SPAG16: variants seen among roughly 807,000 people sequenced by gnomAD.
The protein encoded by SPAG16 is sperm associated antigen 16.
Under a neutral mutation model 80.4 loss-of-function variants are expected in SPAG16, and 86 were observed. That is an observed-to-expected ratio of 1.07 (90% CI 0.90 to 1.28). SPAG16 has a LOEUF of 1.28. SPAG16 is among the 50% of genes most tolerant of loss of function. The pLI, the probability that SPAG16 is intolerant of heterozygous loss-of-function variation, is 0.00. For missense variants in SPAG16, 870 were observed against 765.3 expected (o/e 1.14, Z -1.61); for synonymous variants, 294 against 265.9 (o/e 1.11, Z -1.03).
At chr2:213,912,017 A>G (rs1174668252) in intron 11 of SPAG16, among the ~76,000 whole-genome samples, 2 of 152,140 alleles carry the variant, frequency 1.3e-5, no homozygotes, top group Non-Finnish European at 2.9e-5. Context: ...AATAACTACA[A>G]AATCCTGCAA....
At chr2:214,136,709 G>A (rs371511018) in intron 14 of SPAG16, among the ~76,000 whole-genome samples, 6 of 151,926 alleles carry the variant, frequency 3.9e-5, no homozygotes, top group Admixed American at 1.3e-4. Context: ...TTCTCTTTCC[G>A]TTCTAATTCC....
At chr2:213,706,033 T>C (rs2065739536) in intron 10 of SPAG16, among the ~76,000 whole-genome samples, 1 of 152,212 alleles carries the variant, frequency 6.6e-6, no homozygotes, top group African/African-American at 2.4e-5. Flanking sequence ...CACTTTACTA[T>C]TTTATGCTTT....
At position 214,097,475 on chromosome 2, in the gene SPAG16, G is replaced by T. The variant is rs565374098; in HGVS notation, c.1528-10721G>T. On this transcript the variant is annotated intron_variant, in intron 13 of 15. Transcript: ENST00000331683. ...AACGCAACAGTGCACAAAACTTTAT[G>T]CTGTGCAGCTGTCAGATGGTTGTGA... Among the ~76,000 whole-genome samples, 53 of 152,126 alleles carry T rather than the reference G, an allele frequency of 3.5e-4. No homozygotes were observed. In the Middle Eastern group the frequency reaches 0.01, roughly 29 times the overall value.
At chr2:214,013,701 A>G (rs2047435525) in intron 12 of SPAG16, among the ~76,000 whole-genome samples, 1 of 152,256 alleles carries the variant, frequency 6.6e-6, no homozygotes, top group Admixed American at 6.5e-5. Context: ...TAAATGAGAT[A>G]GTATAAAGAT....
At chr2:213,697,879 T>C (rs1033849023) in intron 10 of SPAG16, among the ~76,000 whole-genome samples, 4 of 152,202 alleles carry the variant, frequency 2.6e-5, no homozygotes, top group African/African-American at 9.6e-5. Flanking sequence ...CCTGCTCAGC[T>C]CTAGCTACCA....
chr2:214,405,799 A>G (rs540388846), intron 15 of SPAG16, among the ~76,000 whole-genome samples: 8 of 152,218 alleles, frequency 5.3e-5, no homozygotes, highest in Non-Finnish European at 1.2e-4. Flanking sequence ...CTCCATCTCA[A>G]AAATAAATAA....
At chr2:214,088,027 C>T (rs1181875392) in intron 13 of SPAG16, among the ~76,000 whole-genome samples, 1 of 151,490 alleles carries the variant, frequency 6.6e-6, no homozygotes, top group African/African-American at 2.4e-5. Flanking sequence ...TGAAAAAATG[C>T]AGTGTGAAAA....
chr2:214,141,575 A>G (rs1200358788), intron 14 of SPAG16, among the ~76,000 whole-genome samples: 1 of 152,200 alleles, frequency 6.6e-6, no homozygotes, highest in East Asian at 1.9e-4. Context: ...GGTGAAATAC[A>G]AACATTAATA....
rs1217978402 is a variant in SPAG16, at chr2:213,859,196, AAAAAAAAAAAAAAAAAAAAAC to A, written c.1071-3288_1071-3268del. Among the ~76,000 whole-genome samples the A allele has an allele frequency of 1.0e-4, 14 of 139,592 alleles. 1 individual carries two copies. Among genetic ancestry groups the A allele is most frequent in the East Asian group, 8.3e-4 (4 of 4,794 alleles). The allele number at this position is 139,592 out of a possible 152,430, so 91.6% of individuals were successfully genotyped here. On this transcript the variant is annotated intron_variant, in intron 10 of 15. Transcript: ENST00000331683. The stretch of plus-strand genomic sequence containing the variant: ...TCCGTCTCAAAAAAAAAAAAAAAAA[AAAAAAAAAAAAAAAAAAAAAC>A]TCAATGTCCTCTGACAACTTGATGT...
chr2:214,180,287 T>A (rs185108110), intron 15 of SPAG16, among the ~76,000 whole-genome samples: 256 of 151,662 alleles, frequency 1.7e-3, no homozygotes, highest in Non-Finnish European at 2.7e-3. Context: ...TTTCATGGTA[T>A]TTAGGGAATT....
chr2:213,296,010 G>C, intron 1 of SPAG16, 54 bp from the exon 2 acceptor site: 2 of 1,471,502 alleles, frequency 1.4e-6, no homozygotes, highest in South Asian at 2.3e-5. Flanking sequence ...ATCAATTTTT[G>C]TGCAATAATT....
At chr2:213,902,401 A>G (rs1417027596) in intron 11 of SPAG16, among the ~76,000 whole-genome samples, 1 of 152,208 alleles carries the variant, frequency 6.6e-6, no homozygotes, top group Non-Finnish European at 1.5e-5. Context: ...AGGCCTCAGA[A>G]TCATGGTGGG....
intron 10 of SPAG16, among the ~76,000 whole-genome samples, chr2:213,728,365 C>G (rs1047648562): frequency 2.6e-5 from 4 of 152,088 alleles, no homozygotes; most frequent in African/African-American, 9.7e-5. Flanking sequence ...AAACGAAAAG[C>G]ACTTGAGCAG....
At chr2:213,999,991 G>GATTT (rs1235927935) in intron 12 of SPAG16, among the ~76,000 whole-genome samples, 1 of 152,184 alleles carries the variant, frequency 6.6e-6, no homozygotes, top group Non-Finnish European at 1.5e-5. Flanking sequence ...AGGTGGAAGG[G>GATTT]ATTTGCCTTG....
intron 11 of SPAG16, among the ~76,000 whole-genome samples, chr2:213,926,700 ATACTT>A (rs2106230957): frequency 6.6e-6 from 1 of 152,052 alleles, no homozygotes; most frequent in South Asian, 2.1e-4. Context: ...ATTTCCTTAT[ATACTT>A]TACTTATAGT....
chr2:214,261,685 G>C (rs934619195), intron 15 of SPAG16, among the ~76,000 whole-genome samples: 1 of 152,018 alleles, frequency 6.6e-6, no homozygotes, highest in African/African-American at 2.4e-5. Flanking sequence ...TTTTTTATTT[G>C]TGCTTATTAA....
chr2:214,087,338 A>G (rs911777040), intron 13 of SPAG16, among the ~76,000 whole-genome samples: 22 of 152,198 alleles, frequency 1.4e-4, no homozygotes, highest in African/African-American at 4.8e-4. Context: ...ATACCATTCA[A>G]TTCTTCATTT....
chr2:213,974,970 A>G (rs191267779), intron 12 of SPAG16, among the ~76,000 whole-genome samples: 17 of 150,164 alleles, frequency 1.1e-4, no homozygotes, highest in African/African-American at 4.2e-4. Context: ...AAAAAACACA[A>G]AATGTGTAAA....
chr2:214,108,569 C>T (rs1388962917), intron 14 of SPAG16, among the ~76,000 whole-genome samples: 1 of 151,406 alleles, frequency 6.6e-6, no homozygotes, highest in Non-Finnish European at 1.5e-5. Flanking sequence ...AGCCTTTTGT[C>T]CAATTTGGGC....
Sources: gnomAD v4.1 joint callset for allele counts (sites outside exome capture counted in the v4.1 genomes callset) on GRCh38, gnomAD v4.1.1 for gene constraint, MANE v1.5 for transcripts, NCBI Gene and HGNC (gene_info 2026-07-23, HGNC 2026-07-21) for gene names.